Variants in SLC35A3 observed in about 807,000 individuals in gnomAD.
SLC35A3 encodes UDP-N-acetylglucosamine transporter.
In SLC35A3, 26 loss-of-function variants were observed where a neutral mutation model predicts 39.0. That is an observed-to-expected ratio of 0.67 (90% CI 0.49 to 0.92). SLC35A3 has a LOEUF of 0.92. Ranked by LOEUF, SLC35A3 falls within the 40% of genes least tolerant of loss-of-function variation. SLC35A3 has a pLI of 0.00. For synonymous variants in SLC35A3, 135 were observed against 133.1 expected, an observed-to-expected ratio of 1.01 and a Z score of -0.10; for missense variants, 299 against 371.6, an observed-to-expected ratio of 0.80 and a Z score of 1.61.
At chr1:99,979,433 T>C (rs1244681481) in intron 1 of SLC35A3, among the ~76,000 whole-genome samples, 1 of 149,106 alleles carries the variant, frequency 6.7e-6, no homozygotes. Context: ...TTTCTTTCTT[T>C]TTTTTTTTTT....
intron 1 of SLC35A3, 55 bp from the exon 2 acceptor site, chr1:99,993,482 C>T: frequency 7.0e-7 from 1 of 1,432,376 alleles, no homozygotes. Flanking sequence ...TTTAAATATA[C>T]TAGTTTTCAT....
At chr1:99,986,570 TTTTA>T (rs1286935726) in intron 1 of SLC35A3, among the ~76,000 whole-genome samples, 2 of 151,902 alleles carry the variant, frequency 1.3e-5, no homozygotes, top group South Asian at 2.1e-4. Flanking sequence ...GACCTTTAAT[TTTTA>T]TTTATTTATT....
At chr1:99,997,111 T>C (rs1409808544) in intron 2 of SLC35A3, among the ~76,000 whole-genome samples, 1 of 151,966 alleles carries the variant, frequency 6.6e-6, no homozygotes, top group African/African-American at 2.4e-5. Context: ...ATTGGCCAGC[T>C]CAAAGTTCAC....
Position 100,033,835 on chromosome 1 carries a change from T to A in SLC35A3, c.*11359T>A, listed in dbSNP as rs981060006. Reference sequence around the variant, plus strand: ...TTTGTAATAAAATTAATTAAAATTTTAAAAAAGTATATTTAATAACCTACT... The same window carrying A: ...TTTGTAATAAAATTAATTAAAATTTAAAAAAAGTATATTTAATAACCTACT... On this transcript the variant is annotated 3_prime_UTR_variant, in exon 8 of 8. Coordinates refer to ENST00000533028, the MANE Select transcript of SLC35A3 (RefSeq NM_012243.3). 3 of 152,196 alleles carry A rather than the reference T, an allele frequency of 2.0e-5. No homozygotes were observed. The highest frequency in any genetic ancestry group is 2.9e-5 in the Non-Finnish European group (2 of 68,046). The allele number at this position is 152,196 out of a possible 1,614,324, so 9.4% of individuals were successfully genotyped here. A position where few individuals can be genotyped will look rare whatever the true frequency, so the allele number is the denominator to read the frequency against.
chr1:99,992,649 G>A (rs35714190), intron 1 of SLC35A3, among the ~76,000 whole-genome samples: 2,491 of 152,236 alleles, frequency 0.016, 38 homozygotes, highest in Non-Finnish European at 0.026. Context: ...TAGCTTGCTT[G>A]AAATTCTTTT....
At chr1:100,002,675 G>A (rs1173903782) in intron 3 of SLC35A3, among the ~76,000 whole-genome samples, 1 of 152,080 alleles carries the variant, frequency 6.6e-6, no homozygotes, top group Non-Finnish European at 1.5e-5. Flanking sequence ...GGAGTGCCAT[G>A]GCACAGTCTT....
At chr1:99,982,264 G>A (rs1657501040) in intron 1 of SLC35A3, among the ~76,000 whole-genome samples, 1 of 152,034 alleles carries the variant, frequency 6.6e-6, no homozygotes, top group Admixed American at 6.5e-5. Context: ...GCCTCCCAAA[G>A]TGCTGGGATT....
At chr1:99,970,492 C>T in intron 1 of SLC35A3, 1 of 1,403,586 alleles carries the variant, frequency 7.1e-7, no homozygotes, top group East Asian at 2.5e-5. Flanking sequence ...GAGCTAGTGA[C>T]GGGTGGGCCC....
chr1:100,024,818 A>G lies in SLC35A3; in HGVS notation c.*2342A>G, dbSNP rs1211360414. On this transcript the variant is annotated 3_prime_UTR_variant, in exon 8 of 8. Coordinates refer to ENST00000533028, the MANE Select transcript of SLC35A3 (RefSeq NM_012243.3). ...ATATTTTTAAAGACTGTTCTAATAG[A>G]TATAAAAACTGTAAAAAATAAGTAT... The G allele has an allele frequency of 2.5e-6, 1 of 393,088 alleles. No homozygotes were observed. Among genetic ancestry groups the G allele is most frequent in the Non-Finnish European group, 4.5e-6 (1 of 223,318 alleles). The allele number at this position is 393,088 out of a possible 1,614,324, so 24.4% of individuals were successfully genotyped here.
In SLC35A3 at chr1:100,019,345, A is replaced by C. The variant is rs1348398740; in HGVS notation, c.887+1530A>C. Among the ~76,000 whole-genome samples, 4 of 152,178 alleles carry C rather than the reference A, an allele frequency of 2.6e-5. No individual in the cohort carries two copies. In the South Asian group the frequency reaches 8.3e-4, roughly 32 times the overall value. On this transcript the variant is annotated intron_variant, in intron 7 of 7. Coordinates refer to ENST00000533028, the MANE Select transcript of SLC35A3 (RefSeq NM_012243.3). ...GAAGTATATAAGGTTTGTTTAGTTG[A>C]AGATAGAAAGAGAAAAGACAATGAT...
chr1:100,012,752 CCTATA>C (rs1317678700), intron 5 of SLC35A3, among the ~76,000 whole-genome samples: 2 of 152,112 alleles, frequency 1.3e-5, no homozygotes, highest in Non-Finnish European at 2.9e-5. Context: ...AAAAGTCTAT[CCTATA>C]AGAGCACAAA....
intron 1 of SLC35A3, among the ~76,000 whole-genome samples, chr1:99,972,102 T>C (rs767323627): frequency 1.3e-5 from 2 of 152,032 alleles, no homozygotes; most frequent in African/African-American, 2.4e-5. Flanking sequence ...GGTTTCACCA[T>C]GTTGGCCAGG....
chr1:100,016,063 A>ATTTTT (rs570217343), intron 6 of SLC35A3, among the ~76,000 whole-genome samples: 1 of 130,320 alleles, frequency 7.7e-6, no homozygotes, highest in Non-Finnish European at 1.6e-5. Context: ...GGATACTTCT[A>ATTTTT]TTTTTTTTTT....
At chr1:100,021,219 C>A (rs935860097) in intron 7 of SLC35A3, among the ~76,000 whole-genome samples, 2 of 151,900 alleles carry the variant, frequency 1.3e-5, no homozygotes, top group Admixed American at 6.6e-5. Context: ...AAAAAATTAG[C>A]GGGGTGTGGT....
In SLC35A3 at chr1:100,028,658, G is replaced by A. The variant is rs1661051756; in HGVS notation, c.*6182G>A. On this transcript the variant is annotated 3_prime_UTR_variant, in exon 8 of 8. Coordinates refer to ENST00000533028, the MANE Select transcript of SLC35A3 (RefSeq NM_012243.3). The stretch of plus-strand genomic sequence containing the variant: ...TGGTCTTTCTTACTGTTCTTAAAAA[G>A]AGAATTCCTTTAAGGCAGGACCGAT... The A allele has an allele frequency of 6.6e-6, 1 of 152,138 alleles. No homozygotes were observed. The highest frequency in any genetic ancestry group is 2.1e-4 in the South Asian group (1 of 4,826). The allele number at this position is 152,138 out of a possible 1,614,324, so 9.4% of individuals were successfully genotyped here.
intron 1 of SLC35A3, chr1:99,975,069 A>G (rs1255024645): frequency 6.6e-6 from 1 of 152,032 alleles, no homozygotes. Flanking sequence ...TAGCCTCCCA[A>G]GTAGGTGGAA....
intron 4 of SLC35A3, among the ~76,000 whole-genome samples, chr1:100,010,085 G>A (rs532104006): frequency 6.6e-6 from 1 of 152,030 alleles, no homozygotes; most frequent in African/African-American, 2.4e-5. Flanking sequence ...TTCCTTGGTC[G>A]CACTACCCAC....
At chr1:100,003,516 T>A (rs1038794360) in intron 3 of SLC35A3, among the ~76,000 whole-genome samples, 4 of 152,140 alleles carry the variant, frequency 2.6e-5, no homozygotes, top group Non-Finnish European at 5.9e-5. Context: ...TAAAGATTTG[T>A]TGAGACTTAT....
chr1:100,006,057 A>G (rs1659203494), intron 3 of SLC35A3, among the ~76,000 whole-genome samples: 1 of 152,110 alleles, frequency 6.6e-6, no homozygotes, highest in Non-Finnish European at 1.5e-5. Flanking sequence ...TTTGGCTTTG[A>G]TCCTGGGTGG....
Sources: gnomAD v4.1 joint callset for allele counts (sites outside exome capture counted in the v4.1 genomes callset) on GRCh38, gnomAD v4.1.1 for gene constraint, MANE v1.5 for transcripts, NCBI Gene and HGNC (gene_info 2026-07-23, HGNC 2026-07-21) for gene names.